AHCY: variants seen among roughly 807,000 people sequenced by gnomAD.
The protein encoded by AHCY is S-adenosyl-L-homocysteine hydrolase.
In AHCY, 24 loss-of-function variants were observed where a neutral mutation model predicts 45.4. The ratio of observed to expected loss-of-function variants is 0.53; its 90% CI spans 0.38 to 0.74. The LOEUF is 0.74. Ranked by LOEUF, AHCY falls within the 30% of genes least tolerant of loss-of-function variation. The pLI is 0.00. For synonymous variants in AHCY, 245 were observed against 235.1 expected (o/e 1.04, Z -0.39); for missense variants, 449 against 594.1 (o/e 0.76, Z 2.54).
chr20:34,285,566 C>G lies in AHCY; in HGVS notation c.1041G>C (p.Leu347=), dbSNP rs2036148593. Residue 347 remains leucine (L), a synonymous_variant, in exon 9 of 10, where the codon CTG becomes CTC. Transcript: ENST00000217426. The part of the protein sequence containing the change: ...ILLAEGRLVN[L]GCAMGHPSFV... ...AGCTGGGGTGGCCCATGGCACAACC[C>G]AGGTTGACCAGCCGACCCTCGGCCA... is the stretch of plus-strand genomic sequence containing the variant. The G allele has an allele frequency of 3.1e-6, 5 of 1,614,054 alleles. No individual in the cohort carries two copies. The highest frequency in any genetic ancestry group is 4.2e-6 in the Non-Finnish European group (5 of 1,180,040).
At chr20:34,282,892 T>C (rs1365984486) in intron 9 of AHCY, among the ~76,000 whole-genome samples, 1 of 152,238 alleles carries the variant, frequency 6.6e-6, no homozygotes, top group Non-Finnish European at 1.5e-5. Context: ...TGGCGGCCTC[T>C]GACCACAGCT....
chr20:34,267,099 G>C, the AHCY span, among the ~76,000 whole-genome samples: 2 of 152,100 alleles, frequency 1.3e-5, no homozygotes, highest in Non-Finnish European at 1.5e-5. Flanking sequence ...ATATATAACT[G>C]ACAAATATAT....
chr20:34,287,692 A>G (rs1205352), intron 8 of AHCY, among the ~76,000 whole-genome samples: 132,737 of 152,078 alleles, frequency 0.87, 57,998 homozygotes, highest in Admixed American at 0.91. Flanking sequence ...GTGCCTGGCC[A>G]GAAGGGGGTC....
intron 4 of AHCY, among the ~76,000 whole-genome samples, chr20:34,291,876 C>T (rs571762751): frequency 6.6e-6 from 1 of 152,342 alleles, no homozygotes; most frequent in South Asian, 2.1e-4. Flanking sequence ...TCAGAGAAAT[C>T]TTCTCAACGC....
At chr20:34,249,087 C>A in the AHCY span, among the ~76,000 whole-genome samples, 91 of 151,866 alleles carry the variant, frequency 6.0e-4, no homozygotes, top group African/African-American at 1.9e-3. Flanking sequence ...TGAGATGGCA[C>A]CACTGCACTC....
the AHCY span, among the ~76,000 whole-genome samples, chr20:34,232,708 T>G: frequency 6.6e-6 from 1 of 152,238 alleles, no homozygotes; most frequent in African/African-American, 2.4e-5. Context: ...TAAAACATAG[T>G]TGTGCCAGTC....
chr20:34,258,700 A>ATATATATATATATATATACACACACACAC, the AHCY span, among the ~76,000 whole-genome samples: 1 of 77,918 alleles, frequency 1.3e-5, no homozygotes, highest in African/African-American at 4.7e-5. Context: ...TACATACTAT[A>ATATATATATATATATATACACACACACAC]TATATATATT....
the AHCY span, among the ~76,000 whole-genome samples, chr20:34,257,116 C>G: frequency 6.8e-6 from 1 of 147,572 alleles, no homozygotes; most frequent in Non-Finnish European, 1.5e-5. Context: ...GACAGTTTCC[C>G]TCTTTCACCC....
At chr20:34,244,916 G>A in the AHCY span, among the ~76,000 whole-genome samples, 316 of 152,274 alleles carry the variant, frequency 2.1e-3, 2 homozygotes, top group Non-Finnish European at 3.8e-3. Flanking sequence ...GCAAGGAGAC[G>A]TATTACTGGT....
chr20:34,248,530 C>T, the AHCY span, among the ~76,000 whole-genome samples: 1 of 152,150 alleles, frequency 6.6e-6, no homozygotes, highest in South Asian at 2.1e-4. Flanking sequence ...AGGTCAGGCA[C>T]GATGGCTCAC....
At chr20:34,284,207 T>C (rs148466548) in intron 9 of AHCY, among the ~76,000 whole-genome samples, 1 of 152,226 alleles carries the variant, frequency 6.6e-6, no homozygotes, top group East Asian at 1.9e-4. Context: ...GTCACCAGGC[T>C]GGAGTGCAGT....
intron 8 of AHCY, among the ~76,000 whole-genome samples, chr20:34,287,108 A>T (rs1035103641): frequency 6.6e-6 from 1 of 152,114 alleles, no homozygotes; most frequent in African/African-American, 2.4e-5. Flanking sequence ...CCAAAAGCCC[A>T]GGTTTCCAAG....
chr20:34,246,423 TTGG>T, the AHCY span: 4 of 1,369,496 alleles, frequency 2.9e-6, no homozygotes, highest in African/African-American at 1.4e-5. Context: ...CAGTACTCTG[TTGG>T]TAATGAACAG....
chr20:34,248,160 C>G, the AHCY span, among the ~76,000 whole-genome samples: 1 of 151,776 alleles, frequency 6.6e-6, no homozygotes, highest in African/African-American at 2.4e-5. Flanking sequence ...GAGCCAAGAT[C>G]GCACCACTGC....
intron 3 of AHCY, among the ~76,000 whole-genome samples, chr20:34,293,205 T>G (rs1463339878): frequency 6.6e-6 from 1 of 152,078 alleles, no homozygotes; most frequent in Non-Finnish European, 1.5e-5. Flanking sequence ...AAGACGCACT[T>G]GGGCCACTCT....
intron 9 of AHCY, among the ~76,000 whole-genome samples, chr20:34,284,672 A>T (rs957079177): frequency 1.9e-4 from 29 of 152,252 alleles, no homozygotes; most frequent in African/African-American, 6.3e-4. Context: ...AATACAAAAA[A>T]ATTAGCCAAG....
At chr20:34,238,111 G>A in the AHCY span, among the ~76,000 whole-genome samples, 6 of 152,116 alleles carry the variant, frequency 3.9e-5, no homozygotes, top group Admixed American at 2.0e-4. Context: ...TGATTATACC[G>A]TATCTTTGTG....
At chr20:34,269,140 C>A in the AHCY span, 4 of 1,549,018 alleles carry the variant, frequency 2.6e-6, no homozygotes, top group Non-Finnish European at 3.5e-6. Context: ...GCGCCTGCTC[C>A]TGCCGCGTGC....
At chr20:34,252,235 C>T in the AHCY span, among the ~76,000 whole-genome samples, 7 of 152,294 alleles carry the variant, frequency 4.6e-5, no homozygotes, top group Non-Finnish European at 1.0e-4. Context: ...GAGACCGGTG[C>T]TCAGTATACA....
Sources: gnomAD v4.1 joint callset for allele counts (sites outside exome capture counted in the v4.1 genomes callset) on GRCh38, gnomAD v4.1.1 for gene constraint, MANE v1.5 for transcripts, NCBI Gene and HGNC (gene_info 2026-07-23, HGNC 2026-07-21) for gene names.